ANKRD44: variants seen among roughly 807,000 people sequenced by gnomAD.
ANKRD44 encodes ankyrin repeat domain 44, also known as serine/threonine-protein phosphatase 6 regulatory ankyrin repeat subunit B.
Under a neutral mutation model 116.0 loss-of-function variants are expected in ANKRD44, and 35 were observed. The observed-to-expected ratio is 0.30, with a 90% CI of 0.23 to 0.40. The LOEUF is 0.40. ANKRD44 is among the 10% of genes least tolerant of loss of function. ANKRD44 has a pLI of 1.00. For missense variants in ANKRD44, 1,014 were observed against 1,242.6 expected (o/e 0.82, Z 2.77); for synonymous variants, 435 against 461.8 (o/e 0.94, Z 0.74).
intron 1 of ANKRD44, among the ~76,000 whole-genome samples, chr2:197,213,699 C>T (rs2081376207): frequency 6.6e-6 from 1 of 152,194 alleles, no homozygotes; most frequent in Admixed American, 6.5e-5. Context: ...TGCTAAGCTC[C>T]TGTAGACTGG....
chr2:197,304,921 G>A (rs567745694), intron 1 of ANKRD44, among the ~76,000 whole-genome samples: 102 of 152,276 alleles, frequency 6.7e-4, no homozygotes, highest in Middle Eastern at 3.4e-3. Flanking sequence ...TGACTCAAAA[G>A]AGACAGAGTA....
intron 15 of ANKRD44, among the ~76,000 whole-genome samples, chr2:197,081,220 G>T (rs938627928): frequency 6.6e-6 from 1 of 152,186 alleles, no homozygotes; most frequent in African/African-American, 2.4e-5. Flanking sequence ...GGGGTGAGGG[G>T]AAAGCACAAA....
chr2:197,306,611 G>A (rs887300751), intron 1 of ANKRD44, among the ~76,000 whole-genome samples: 5 of 152,170 alleles, frequency 3.3e-5, no homozygotes, highest in Admixed American at 3.3e-4. Flanking sequence ...CAGGACTACA[G>A]CATACTGTTT....
chr2:197,221,676 C>T lies in ANKRD44; in HGVS notation c.28-34570G>A, dbSNP rs568389105. ...ATGAATGCATTATCTTCACCACCCT[C>T]GGCCATCTTTCACTCATCCAGAAGG... On this transcript the variant is annotated intron_variant, in intron 1 of 27. Transcript: ENST00000282272. Among the ~76,000 whole-genome samples, 5 of 152,328 alleles carry T rather than the reference C, an allele frequency of 3.3e-5. No individual in the cohort carries two copies. In the South Asian group the frequency reaches 8.3e-4, roughly 25 times the overall value.
intron 21 of ANKRD44, among the ~76,000 whole-genome samples, chr2:196,974,768 T>A (rs115851416): frequency 0.026 from 3,893 of 151,918 alleles, 68 homozygotes; most frequent in Non-Finnish European, 0.037. Context: ...CACACACTTG[T>A]AAGCCCAGCT....
At chr2:196,985,490 G>A (rs1243185159), downstream of ANKRD44, among the ~76,000 whole-genome samples, 1 of 152,170 alleles carries the variant, frequency 6.6e-6, no homozygotes, top group Non-Finnish European at 1.5e-5. Context: ...AATAAGAAGG[G>A]AGGCAGGGCT....
At chr2:196,981,022 A>G (rs367758669) in intron 21 of ANKRD44, among the ~76,000 whole-genome samples, 7 of 110,570 alleles carry the variant, frequency 6.3e-5, no homozygotes, top group African/African-American at 2.6e-4. Flanking sequence ...TTTTTTCTTC[A>G]GTCATTCTCA....
chr2:196,987,094 A>C lies in ANKRD44; in HGVS notation c.*2497T>G. ...TATTTGCATTGAATTTTTAGATCAC[A>C]TAAGAAACGCATAGAATTACATTTT... On this transcript the variant is annotated 3_prime_UTR_variant, in exon 28 of 28. Transcript: ENST00000282272. 2.0e-6 allele frequency: 2 copies of C among 984,912 alleles called. No homozygotes were observed. Among genetic ancestry groups the C allele is most frequent in the South Asian group, 9.4e-5 (2 of 21,280 alleles). The allele number at this position is 984,912 out of a possible 1,614,324, so 61.0% of individuals were successfully genotyped here.
rs1248987403 is a variant in ANKRD44, at chr2:196,998,971, T to A, written c.2601A>T (p.Ala867=). ...LLLRHSAPVN[A]VDNSGKTALM... ...GTGCTGTTTTCCCTGAATTATCTAC[T>A]GCGTTCACTGGAGCACTGTGTCTCA... is the stretch of plus-strand genomic sequence containing the variant. The change falls in exon 24 of 28, where the codon GCA becomes GCT. Residue 867 remains alanine, a synonymous_variant. Transcript: ENST00000282272. The A allele has an allele frequency of 1.2e-5, 20 of 1,614,130 alleles. No individual in the cohort carries two copies. The highest frequency in any genetic ancestry group is 1.7e-5 in the Non-Finnish European group (20 of 1,180,052).
Position 197,236,802 on chromosome 2 carries a change from C to T in ANKRD44, c.28-49696G>A, listed in dbSNP as rs1412666190. Reference sequence around the variant, plus strand: ...TAGCTACTGAGAAAAAGAGAATCCCCGTGCCACTTCAGTCCTGAGTTTGTA... The same window carrying T: ...TAGCTACTGAGAAAAAGAGAATCCCTGTGCCACTTCAGTCCTGAGTTTGTA... On this transcript the variant is annotated intron_variant, in intron 1 of 27. Coordinates refer to ENST00000282272, the MANE Select transcript of ANKRD44 (RefSeq NM_001195144.2). Among the ~76,000 whole-genome samples the T allele has an allele frequency of 2.0e-5, 3 of 151,870 alleles. No homozygotes were observed. The East Asian group carries it at 5.8e-4, about 29-fold the overall frequency.
intron 21 of ANKRD44, among the ~76,000 whole-genome samples, chr2:196,976,699 C>T (rs867669764): frequency 6.6e-6 from 1 of 151,928 alleles, no homozygotes; most frequent in Non-Finnish European, 1.5e-5. Flanking sequence ...AACCCTATCG[C>T]CACAAAAAAA....
chr2:197,052,515 T>A (rs1046523177), intron 16 of ANKRD44, among the ~76,000 whole-genome samples: 1 of 152,052 alleles, frequency 6.6e-6, no homozygotes, highest in Non-Finnish European at 1.5e-5. Flanking sequence ...ATCTAATTAC[T>A]TACCTTAGAG....
In ANKRD44 at chr2:196,991,034, G is replaced by C. The variant is rs1164870390; in HGVS notation, c.2924-1385C>G. ...GATCTCACAGGCGGAGATGTATGTT[G>C]AGTTAGAAATCATGCCAGGTAAAAC... On this transcript the variant is annotated intron_variant, in intron 27 of 27. Transcript: ENST00000282272. 1.3e-5 allele frequency: 13 copies of C among 1,027,746 alleles called. No homozygotes were observed. The Admixed American group carries it at 3.0e-4, about 24-fold the overall frequency. 63.7% of individuals were successfully genotyped at this position (1,027,746 alleles called of 1,614,324 possible). A position where few individuals can be genotyped will look rare whatever the true frequency, so the allele number is the denominator to read the frequency against.
intron 13 of ANKRD44, among the ~76,000 whole-genome samples, chr2:197,085,375 G>A (rs2077895629): frequency 6.6e-6 from 1 of 152,198 alleles, no homozygotes. Context: ...ATGTGAACCA[G>A]AGCAACTCCA....
chr2:197,155,647 G>A (rs1342315102), intron 2 of ANKRD44, among the ~76,000 whole-genome samples: 2 of 152,142 alleles, frequency 1.3e-5, no homozygotes, highest in Non-Finnish European at 1.5e-5. Context: ...GCCATACCTT[G>A]AACCCTAAAC....
At chr2:197,127,296 A>G (rs2078997827) in intron 4 of ANKRD44, among the ~76,000 whole-genome samples, 1 of 152,240 alleles carries the variant, frequency 6.6e-6, no homozygotes, top group Non-Finnish European at 1.5e-5. Flanking sequence ...TTTAAATCCT[A>G]AAGTTTTAGT....
intron 1 of ANKRD44, among the ~76,000 whole-genome samples, chr2:197,293,086 T>C (rs1244329632): frequency 6.6e-6 from 1 of 152,150 alleles, no homozygotes; most frequent in African/African-American, 2.4e-5. Context: ...ACCAATCTTT[T>C]TACTAGGGTT....
intron 3 of ANKRD44, among the ~76,000 whole-genome samples, chr2:197,142,496 A>G (rs2079390837): frequency 6.6e-6 from 1 of 152,236 alleles, no homozygotes; most frequent in African/African-American, 2.4e-5. Context: ...CAAAACAATT[A>G]CCATAGAAGA....
intron 16 of ANKRD44, among the ~76,000 whole-genome samples, chr2:197,043,951 C>A (rs13019481): frequency 0.65 from 99,193 of 152,012 alleles, 33,638 homozygotes; most frequent in East Asian, 0.86. Context: ...AGTAATTATA[C>A]TAGAAGTGTG....
Sources: gnomAD v4.1 joint callset for allele counts (sites outside exome capture counted in the v4.1 genomes callset) on GRCh38, gnomAD v4.1.1 for gene constraint, MANE v1.5 for transcripts, NCBI Gene and HGNC (gene_info 2026-07-23, HGNC 2026-07-21) for gene names.